WNT7B: variants seen among roughly 807,000 people sequenced by gnomAD.
WNT7B encodes protein Wnt-7b.
Under a neutral mutation model 38.2 loss-of-function variants are expected in WNT7B, and 19 were observed. The observed-to-expected ratio is 0.50, with a 90% CI of 0.35 to 0.73. The LOEUF is 0.73. Among genes scored for constraint, WNT7B ranks in the 30% least tolerant of loss-of-function variants. WNT7B has a pLI of 0.01. For synonymous variants in WNT7B, 243 were observed against 209.3 expected (o/e 1.16, Z -1.39); for missense variants, 423 against 507.9 (o/e 0.83, Z 1.61).
intron 2 of WNT7B, among the ~76,000 whole-genome samples, chr22:45,942,918 G>A (rs959725162): frequency 1.3e-5 from 2 of 149,276 alleles, no homozygotes; most frequent in African/African-American, 4.9e-5. Context: ...TGTGCAGTGT[G>A]CACGTGTGTG....
Position 45,975,350 on chromosome 22 carries a change from G to C in WNT7B, c.71+1334C>G, listed in dbSNP as rs1462454677. On this transcript the variant is annotated intron_variant, in intron 1 of 3. Coordinates refer to ENST00000339464, the MANE Select transcript of WNT7B (RefSeq NM_058238.3). This position sits in a 1 kb window ranked among gnomAD's most constrained non-coding sequence, Gnocchi z 6.6. ...CCACCCCCCGCCCAGCAGGCTCAAT[G>C]CCCCGCACCCCTCACCTCCATAAAC... Among the ~76,000 whole-genome samples, 1 of 152,040 alleles carries C rather than the reference G, an allele frequency of 6.6e-6. No individual in the cohort carries two copies. The highest frequency in any genetic ancestry group is 1.9e-4 in the East Asian group (1 of 5,182).
chr22:45,943,113 G>A (rs1403262055), intron 2 of WNT7B, among the ~76,000 whole-genome samples: 1 of 152,184 alleles, frequency 6.6e-6, no homozygotes, highest in African/African-American at 2.4e-5. Flanking sequence ...GTGCATGTGT[G>A]TGTGTGCCAG....
chr22:45,926,321 G>A (rs1931081620), intron 3 of WNT7B: 1 of 985,306 alleles, frequency 1.0e-6, no homozygotes, highest in African/African-American at 1.7e-5. Context: ...CTTGCTCAGG[G>A]GAGCTGCAGG....
At chr22:45,971,399 CA>C (rs1157664743) in intron 1 of WNT7B, among the ~76,000 whole-genome samples, 1 of 152,242 alleles carries the variant, frequency 6.6e-6, no homozygotes, top group Non-Finnish European at 1.5e-5. Context: ...TCGGCGAAGC[CA>C]CCACTGCGCG....
Position 45,976,201 on chromosome 22 carries a change from GCGGGTGCCCCGGCCTGCGCGCTCGCGGC to G in WNT7B, c.71+455_71+482del, listed in dbSNP as rs1217016768. Among the ~76,000 whole-genome samples, 2 of 146,154 alleles carry G rather than the reference GCGGGTGCCCCGGCCTGCGCGCTCGCGGC, an allele frequency of 1.4e-5. No individual in the cohort carries two copies. The highest frequency in any genetic ancestry group is 2.1e-4 in the South Asian group (1 of 4,822). On this transcript the variant is annotated intron_variant, in intron 1 of 3. Transcript: ENST00000339464. This position sits in a 1 kb window ranked among gnomAD's most constrained non-coding sequence, Gnocchi z 8.5. ...TGATGGATAGAGACGAAGGGCCGCG[GCGGGTGCCCCGGCCTGCGCGCTCGCGGC>G]CGGGTGCGCGCCCCCCGCCCTCCCG...
chr22:45,945,920 T>G (rs993511704), intron 2 of WNT7B, among the ~76,000 whole-genome samples: 2 of 152,226 alleles, frequency 1.3e-5, no homozygotes, highest in Non-Finnish European at 2.9e-5. Flanking sequence ...TTAGGGGCAG[T>G]CTCTATGCCT....
At position 45,921,925 on chromosome 22, in the gene WNT7B, T is replaced by C. The variant is rs1601711338; in HGVS notation, c.*931A>G. ...ACAGGTGCACGCCACCACGCCCAGC[T>C]AATTTTTGTATTTTTAGTAGAGACA... is the stretch of plus-strand genomic sequence containing the variant. On this transcript the variant is annotated 3_prime_UTR_variant, in exon 4 of 4. Transcript: ENST00000339464. 6.6e-6 allele frequency: 1 copy of C among 152,186 alleles called. No homozygotes were observed. The highest frequency in any genetic ancestry group is 2.4e-5 in the African/African-American group (1 of 41,510). 9.4% of individuals were successfully genotyped at this position (152,186 alleles called of 1,614,324 possible). A position where few individuals can be genotyped will look rare whatever the true frequency, so the allele number is the denominator to read the frequency against.
chr22:45,955,601 G>C (rs28465576), intron 1 of WNT7B, among the ~76,000 whole-genome samples: 41,279 of 151,956 alleles, frequency 0.27, 7,499 homozygotes, highest in African/African-American at 0.52. Context: ...GCTGGGAGCG[G>C]GGGCATTCAT....
chr22:45,920,733 TGA>T lies in WNT7B; in HGVS notation c.*2121_*2122del, dbSNP rs1569106954. 1.3e-4 allele frequency: 6 copies of T among 45,274 alleles called. No homozygotes were observed. Among genetic ancestry groups the T allele is most frequent in the African/African-American group, 5.1e-4 (6 of 11,706 alleles). The allele number at this position is 45,274 out of a possible 1,614,324, so 2.8% of individuals were successfully genotyped here. A position where few individuals can be genotyped will look rare whatever the true frequency, so the allele number is the denominator to read the frequency against. On this transcript the variant is annotated 3_prime_UTR_variant, in exon 4 of 4. Coordinates refer to ENST00000339464, the MANE Select transcript of WNT7B (RefSeq NM_058238.3). ...ATGGGGGATGGGATGAGGGATGAGATGAGGGATGGGATGGGATGGGGGATGAG... is the reference window on the plus strand; with the variant it reads ...ATGGGGGATGGGATGAGGGATGAGATGGGATGGGATGGGATGGGGGATGAG...
chr22:45,941,118 C>T (rs796119771), intron 2 of WNT7B, among the ~76,000 whole-genome samples: 8 of 152,268 alleles, frequency 5.3e-5, no homozygotes, highest in East Asian at 1.9e-4. Context: ...GCTGATGACC[C>T]GCCAGGTAGA....
chr22:45,928,403 C>T lies in WNT7B; in HGVS notation c.570+2695G>A, dbSNP rs145642132. On this transcript the variant is annotated intron_variant, in intron 3 of 3. Coordinates refer to ENST00000339464, the MANE Select transcript of WNT7B (RefSeq NM_058238.3). Reference sequence around the variant, plus strand: ...CTTGTGCCCCACAGGTGCACAGGGTCGGGGCAGTGAGGAGTTGGGGGACAA... The same window carrying T: ...CTTGTGCCCCACAGGTGCACAGGGTTGGGGCAGTGAGGAGTTGGGGGACAA... 2.0e-3 allele frequency among the ~76,000 whole-genome samples: 307 copies of T among 152,304 alleles called. 2 individuals are homozygous for T. Among genetic ancestry groups the T allele is most frequent in the African/African-American group, 7.0e-3 (289 of 41,550 alleles).
chr22:45,925,943 C>A (rs954783053), intron 3 of WNT7B: 1 of 985,284 alleles, frequency 1.0e-6, no homozygotes, highest in Admixed American at 6.1e-5. Context: ...ATGGCTGCCC[C>A]TGGTACTGTG....
At chr22:45,941,602 T>C (rs1325749091) in intron 2 of WNT7B, among the ~76,000 whole-genome samples, 1 of 151,454 alleles carries the variant, frequency 6.6e-6, no homozygotes, top group Non-Finnish European at 1.5e-5. Context: ...ACCAGGAAGC[T>C]GGACAGGATC....
chr22:45,956,854 T>G (rs1188465812), intron 1 of WNT7B, among the ~76,000 whole-genome samples: 9 of 152,154 alleles, frequency 5.9e-5, no homozygotes, highest in Non-Finnish European at 1.2e-4. Context: ...ACGCCTGTAA[T>G]CCCAGCACTT....
intron 3 of WNT7B, chr22:45,926,280 G>A: frequency 3.0e-6 from 3 of 985,400 alleles, no homozygotes; most frequent in Non-Finnish European, 3.6e-6. Context: ...TGCCCCAAGA[G>A]ACCACCTGGC....
At position 45,920,781 on chromosome 22, in the gene WNT7B, C is replaced by T. The variant is rs1401128285; in HGVS notation, c.*2075G>A. On this transcript the variant is annotated 3_prime_UTR_variant, in exon 4 of 4. Transcript: ENST00000339464. ...ATGAGGGATGGGGGCCGCAGCCATC[C>T]CCCTCTCCGGTACCCAGTGTAGGTC... 6.6e-6 allele frequency: 1 copy of T among 151,544 alleles called. No individual in the cohort carries two copies. The highest frequency in any genetic ancestry group is 1.5e-5 in the Non-Finnish European group (1 of 67,894). 9.4% of individuals were successfully genotyped at this position (151,544 alleles called of 1,614,324 possible).
rs1418682035 is a variant in WNT7B at position 45,923,021 on chromosome 22, G to T, written c.885C>A (p.Asn295Lys). 1.9e-6 allele frequency: 3 copies of T among 1,612,788 alleles called. No homozygotes were observed. Among genetic ancestry groups the T allele is most frequent in the Non-Finnish European group, 2.5e-6 (3 of 1,179,628 alleles). Residue 295 changes from asparagine (N) to lysine (K), a missense_variant, in exon 4 of 4, where the codon AAC becomes AAA. Transcript: ENST00000339464. ...AGCCGTCCGCGCCGGGCGACGTGCG[G>T]TTGCAGAGACGGCCCTGCGTGCCCA... ...GSVGTQGRLC[N>K]RTSPGADGCD...
chr22:45,926,327 G>A, intron 3 of WNT7B: 1 of 985,452 alleles, frequency 1.0e-6, no homozygotes, highest in South Asian at 4.7e-5. Flanking sequence ...CAGGGGAGCT[G>A]CAGGCTGCCG....
At chr22:45,939,634 C>CAA (rs143215109) in intron 2 of WNT7B, among the ~76,000 whole-genome samples, 7 of 145,256 alleles carry the variant, frequency 4.8e-5, no homozygotes, top group African/African-American at 1.9e-4. Flanking sequence ...TCTCTACAAA[C>CAA]ACACACACAC....
Sources: allele counts gnomAD v4.1 joint callset (sites outside exome capture counted in the v4.1 genomes callset), GRCh38; gene constraint gnomAD v4.1.1; non-coding constraint Gnocchi (gnomAD v3.1); transcripts MANE v1.5; gene names NCBI Gene and HGNC (gene_info 2026-07-23, HGNC 2026-07-21).